Variants in GLDN observed in about 807,000 individuals in gnomAD.
GLDN encodes gliomedin.
GLDN carries 47 observed loss-of-function variants against 56.5 expected under a neutral mutation model. That is an observed-to-expected ratio of 0.83 (90% CI 0.66 to 1.06). The LOEUF (loss-of-function observed/expected upper bound fraction) is 1.06, where lower values mean the gene tolerates loss of function less well. Ranked by LOEUF, GLDN falls within the 50% of genes least tolerant of loss-of-function variation. GLDN has a pLI of 0.00. For synonymous variants in GLDN, 332 were observed against 278.8 expected, an observed-to-expected ratio of 1.19 and a Z score of -1.90; for missense variants, 782 against 714.3, an observed-to-expected ratio of 1.09 and a Z score of -1.08.
rs200220772 is a variant in GLDN, at chr15:51,400,305, T to A, written c.901+30T>A. 9.3e-5 allele frequency: 150 copies of A among 1,614,156 alleles called. 1 individual carries two copies. In the African/African-American group the frequency reaches 1.7e-3, roughly 19 times the overall value. ...AGAAACAAAGCGTCCTGTCTTGAAATTCAGAAATTGAATACCTTCAAGTCA... is the reference window on the plus strand; with the variant it reads ...AGAAACAAAGCGTCCTGTCTTGAAAATCAGAAATTGAATACCTTCAAGTCA... On this transcript the variant is annotated intron_variant, in intron 7 of 9. Coordinates refer to ENST00000335449, the MANE Select transcript of GLDN (RefSeq NM_181789.4).
chr15:51,364,736 G>T (rs1053372492), intron 1 of GLDN, among the ~76,000 whole-genome samples: 3 of 152,016 alleles, frequency 2.0e-5, no homozygotes, highest in Non-Finnish European at 4.4e-5. Flanking sequence ...TTCTGAGTGG[G>T]TTTCAATTAA....
Position 51,405,378 on chromosome 15 carries a change from T to G in GLDN, c.*624T>G, listed in dbSNP as rs1226715940. On this transcript the variant is annotated 3_prime_UTR_variant, in exon 10 of 10. Transcript: ENST00000335449. ...AGCCAGGGACAGCTACATGTTCAGG[T>G]TTTTTTTTTTTTTTTTTTTTCAATA... The G allele has an allele frequency of 1.1e-5, 1 of 93,528 alleles. No individual in the cohort carries two copies. The highest frequency in any genetic ancestry group is 2.0e-5 in the Non-Finnish European group (1 of 51,050). 5.8% of individuals were successfully genotyped at this position (93,528 alleles called of 1,614,324 possible).
intron 2 of GLDN, among the ~76,000 whole-genome samples, chr15:51,379,914 T>C (rs774205764): frequency 1.3e-4 from 20 of 152,218 alleles, no homozygotes; most frequent in South Asian, 1.2e-3. Context: ...CTACCTAATG[T>C]CATACTCCAT....
chr15:51,385,573 G>C (rs1310542074), intron 4 of GLDN: 1 of 152,168 alleles, frequency 6.6e-6, no homozygotes, highest in East Asian at 1.9e-4. Flanking sequence ...CTGTTCCATG[G>C]TGATAAATGC....
chr15:51,372,753 AG>A (rs2037542354), intron 1 of GLDN, among the ~76,000 whole-genome samples: 1 of 152,196 alleles, frequency 6.6e-6, no homozygotes, highest in Non-Finnish European at 1.5e-5. Context: ...GAGAAGTTCC[AG>A]GCCTGGGACC....
chr15:51,392,396 G>C (rs528632578), intron 4 of GLDN, among the ~76,000 whole-genome samples: 8 of 152,268 alleles, frequency 5.3e-5, no homozygotes, highest in Non-Finnish European at 1.0e-4. Flanking sequence ...AGAATCTAAT[G>C]CCTGATGATC....
chr15:51,357,554 C>T (rs962436083), intron 1 of GLDN, among the ~76,000 whole-genome samples: 5 of 152,208 alleles, frequency 3.3e-5, no homozygotes, highest in Non-Finnish European at 7.3e-5. Flanking sequence ...AGAGGGCTCT[C>T]TAACAACCCC....
chr15:51,357,701 T>C (rs1276658280), intron 1 of GLDN, among the ~76,000 whole-genome samples: 1 of 152,212 alleles, frequency 6.6e-6, no homozygotes, highest in Non-Finnish European at 1.5e-5. Context: ...GTTGAGATCA[T>C]GGCACAGCCA....
chr15:51,392,755 T>C (rs1425978640), intron 4 of GLDN, among the ~76,000 whole-genome samples: 1 of 152,224 alleles, frequency 6.6e-6, no homozygotes, highest in Non-Finnish European at 1.5e-5. Flanking sequence ...GCAATAGCTT[T>C]GTACAGTATT....
intron 1 of GLDN, among the ~76,000 whole-genome samples, chr15:51,358,647 C>T (rs1239555844): frequency 4.6e-5 from 7 of 152,190 alleles, no homozygotes; most frequent in Non-Finnish European, 5.9e-5. Flanking sequence ...AGGGCTAGTG[C>T]TCACTAGGGG....
intron 1 of GLDN, among the ~76,000 whole-genome samples, chr15:51,371,108 A>G (rs533579290): frequency 6.6e-6 from 1 of 152,294 alleles, no homozygotes; most frequent in African/African-American, 2.4e-5. Flanking sequence ...TTTTTTGTGT[A>G]CTTATACAAA....
chr15:51,409,881 T>A (rs1010168759), downstream of GLDN, among the ~76,000 whole-genome samples: 11 of 152,170 alleles, frequency 7.2e-5, no homozygotes, highest in Non-Finnish European at 1.6e-4. Flanking sequence ...AGTGGAAAAA[T>A]TAACTTTGAA....
At chr15:51,401,813 T>G (rs886666168) in intron 9 of GLDN, 70 bp downstream of exon 9, 8 of 1,408,566 alleles carry the variant, frequency 5.7e-6, no homozygotes, top group African/African-American at 1.4e-5. Context: ...TTGTGAGCAA[T>G]TAGGGGTAGG....
At chr15:51,367,607 A>T in intron 1 of GLDN, 1 of 152,308 alleles carries the variant, frequency 6.6e-6, no homozygotes, top group East Asian at 1.9e-4. Flanking sequence ...TCAGCAAAAC[A>T]AATGACTCGA....
In GLDN at chr15:51,406,500, A is replaced by G. The variant is rs553833255; in HGVS notation, c.*1746A>G. Reference sequence around the variant, plus strand: ...GCCCTGAGTTCAATATATTATTAACAGCAGTATTTTAAAACTTAGGGTTGA... The same window carrying G: ...GCCCTGAGTTCAATATATTATTAACGGCAGTATTTTAAAACTTAGGGTTGA... On this transcript the variant is annotated 3_prime_UTR_variant, in exon 10 of 10. Transcript: ENST00000335449. 1 of 152,330 alleles carries G rather than the reference A, an allele frequency of 6.6e-6. No homozygotes were observed. Among genetic ancestry groups the G allele is most frequent in the South Asian group, 2.1e-4 (1 of 4,824 alleles). 9.4% of individuals were successfully genotyped at this position (152,330 alleles called of 1,614,324 possible).
chr15:51,385,011 G>C (rs1283977621), intron 4 of GLDN: 8 of 152,220 alleles, frequency 5.3e-5, no homozygotes, highest in Admixed American at 5.2e-4. Flanking sequence ...ACACTTGGCA[G>C]TGCCTACCTG....
rs1161436689 is a variant in GLDN, at chr15:51,407,491, T to C, written c.*2737T>C. The C allele has an allele frequency of 1.3e-5, 2 of 152,204 alleles. No individual in the cohort carries two copies. Among genetic ancestry groups the C allele is most frequent in the East Asian group, 3.8e-4 (2 of 5,204 alleles). The allele number at this position is 152,204 out of a possible 1,614,324, so 9.4% of individuals were successfully genotyped here. ...ATAATTCTCTAATTCTTCTTTAATC[T>C]AAAGTAGATAGCTTCCCACTGGAAA... On this transcript the variant is annotated 3_prime_UTR_variant, in exon 10 of 10. Transcript: ENST00000335449.
chr15:51,372,153 A>G (rs1376932037), intron 1 of GLDN, among the ~76,000 whole-genome samples: 1 of 152,060 alleles, frequency 6.6e-6, no homozygotes, highest in African/African-American at 2.4e-5. Flanking sequence ...TCCTCTTCAC[A>G]TGAAGCCACC....
At chr15:51,362,588 T>C (rs2037322996) in intron 1 of GLDN, among the ~76,000 whole-genome samples, 1 of 152,014 alleles carries the variant, frequency 6.6e-6, no homozygotes, top group African/African-American at 2.4e-5. Flanking sequence ...CCTTGAAAGC[T>C]ATTGTAAGGA....
Sources: gnomAD v4.1 joint callset for allele counts (sites outside exome capture counted in the v4.1 genomes callset) on GRCh38, gnomAD v4.1.1 for gene constraint, MANE v1.5 for transcripts, NCBI Gene and HGNC (gene_info 2026-07-23, HGNC 2026-07-21) for gene names.